The following CRYBG2 variants were observed in gnomAD, a reference collection of about 807,000 sequenced individuals.
The protein encoded by CRYBG2 is beta/gamma crystallin domain-containing protein 2.
In CRYBG2, 106 loss-of-function variants were observed where a neutral mutation model predicts 153.4. The observed-to-expected ratio is 0.69, with a 90% CI of 0.59 to 0.81. CRYBG2 has a LOEUF of 0.81. Ranked by LOEUF, CRYBG2 falls within the 30% of genes least tolerant of loss-of-function variation. The pLI, the probability that CRYBG2 is intolerant of heterozygous loss-of-function variation, is 0.00. For synonymous variants in CRYBG2, 851 were observed against 877.8 expected, an observed-to-expected ratio of 0.97 and a Z score of 0.54; for missense variants, 1,996 against 2,112.0, an observed-to-expected ratio of 0.95 and a Z score of 1.08.
In CRYBG2 at chr1:26,340,788, AT is replaced by A. The variant is rs369718023; in HGVS notation, c.3205-1360del. ...CCACCATGCCCGGCTAATTTTTTGT[AT>A]TTTTTTTAGTAGAGACAGGGTTTCA... On this transcript the variant is annotated intron_variant, in intron 5 of 19. Transcript: ENST00000308182. Among the ~76,000 whole-genome samples the A allele has an allele frequency of 5.0e-3, 748 of 150,792 alleles. 7 individuals carry two copies. Among genetic ancestry groups the A allele is most frequent in the African/African-American group, 0.016 (666 of 41,128 alleles).
chr1:26,328,234 A>T lies in CRYBG2; in HGVS notation c.4553T>A (p.Val1518Glu), dbSNP rs1295122747. Residue 1518 changes from valine (V) to glutamate (E), a missense_variant, in exon 17 of 20, where the codon GTG becomes GAG. Transcript: ENST00000308182. Reference protein sequence around the residue: ...NWLTYSGTQRVGSLYPIKQRR... With the variant: ...NWLTYSGTQREGSLYPIKQRR... Reference sequence around the variant, plus strand: ...CTGCTTGATGGGGTAGAGGGAGCCCACCCTCTGGGTGCCGCTGTAGGTCAG... The same window carrying T: ...CTGCTTGATGGGGTAGAGGGAGCCCTCCCTCTGGGTGCCGCTGTAGGTCAG... 3 of 1,564,454 alleles carry T rather than the reference A, an allele frequency of 1.9e-6. No individual in the cohort carries two copies. The highest frequency in any genetic ancestry group is 2.6e-6 in the Non-Finnish European group (3 of 1,154,588).
In CRYBG2 at chr1:26,345,386, A is replaced by C. The variant is rs2074200312; in HGVS notation, c.1272T>G (p.Thr424=). 1 of 1,612,990 alleles carries C rather than the reference A, an allele frequency of 6.2e-7. No individual in the cohort carries two copies. The highest frequency in any genetic ancestry group is 1.7e-5 in the Admixed American group (1 of 59,978). The change falls in exon 2 of 20, where the codon ACT becomes ACG. Residue 424 remains threonine, a synonymous_variant. Coordinates refer to ENST00000308182, the MANE Select transcript of CRYBG2 (RefSeq NM_001039775.4). The stretch of plus-strand genomic sequence containing the variant: ...GGCTGGGGACATCCTTCCTTCTTGT[A>C]GTGGATGGAGCAGGAGGTTGTCCAG... The part of the protein sequence containing the change: ...TVPGQPPAPS[T]TRRKDVPSPG...
Position 26,337,360 on chromosome 1 carries a change from C to A in CRYBG2, c.3664G>T (p.Glu1222Ter). Residue 1222 changes from glutamate to a stop codon, truncating the protein, a stop_gained, in exon 10 of 20, where the codon GAG (glutamate) becomes TAG (stop). Transcript: ENST00000308182. LOFTEE classifies it high-confidence loss of function. ...AGATACTGGTGGCCCCGGAAGCCCTCCTTCTCGTAGCCCACCCAGCTGGGA... is the reference window on the plus strand; with the variant it reads ...AGATACTGGTGGCCCCGGAAGCCCTACTTCTCGTAGCCCACCCAGCTGGGA... The part of the protein sequence containing the change: ...LGGCWVGYEK[E>*]GFRGHQYLLE... 3 of 1,613,824 alleles carry A rather than the reference C, an allele frequency of 1.9e-6. No homozygotes were observed. In the East Asian group the frequency reaches 6.7e-5, roughly 36 times the overall value.
At position 26,346,104 on chromosome 1, in the gene CRYBG2, C is replaced by A; in HGVS notation, c.554G>T (p.Gly185Val). ...GCTCATCCGCCGGTCCACATGACCT[C>A]CCACCACTGTGGTGGTCCGCACAGT... Reference protein sequence around the residue: ...TRTVRTTTVVGGHVDRRMSSS... With the variant: ...TRTVRTTTVVVGHVDRRMSSS... The change falls in exon 2 of 20, where the codon GGA (glycine) becomes GTA (valine). Residue 185 changes from glycine (G) to valine (V), a missense_variant. By Grantham distance (109) the Gly-to-Val change is moderately radical (BLOSUM62 -3). Transcript: ENST00000308182. This position sits in a 1 kb window ranked among gnomAD's most constrained non-coding sequence, Gnocchi z 4.9. 6.4e-7 allele frequency: 1 copy of A among 1,572,616 alleles called. No individual in the cohort carries two copies.
Position 26,346,425 on chromosome 1 carries a change from C to G in CRYBG2, c.233G>C (p.Cys78Ser). ...FATQEEETVN[C>S]QGPRDTAGSK... ...GCCAGCTGTATCCCGAGGGCCCTGGCAATTCACAGTCTCTTCTTCCTGTGT... is the reference window on the plus strand; with the variant it reads ...GCCAGCTGTATCCCGAGGGCCCTGGGAATTCACAGTCTCTTCTTCCTGTGT... The change falls in exon 2 of 20, where the codon TGC (cysteine) becomes TCC (serine). Residue 78 changes from cysteine to serine, a missense_variant. Cys to Ser is a moderately radical substitution (Grantham distance 112). Coordinates refer to ENST00000308182, the MANE Select transcript of CRYBG2 (RefSeq NM_001039775.4). This position sits in a 1 kb window ranked among gnomAD's most constrained non-coding sequence, Gnocchi z 4.9. 1 of 1,601,478 alleles carries G rather than the reference C, an allele frequency of 6.2e-7. No individual in the cohort carries two copies. The highest frequency in any genetic ancestry group is 1.7e-4 in the Middle Eastern group (1 of 6,058).
chr1:26,333,097 TG>T (rs1185285754), intron 14 of CRYBG2, among the ~76,000 whole-genome samples: 1 of 132,484 alleles, frequency 7.5e-6, no homozygotes, highest in Non-Finnish European at 1.6e-5. Flanking sequence ...GGGACAGAGA[TG>T]AAAGCTGTTG....
In CRYBG2 at chr1:26,346,445, C is replaced by G; in HGVS notation, c.213G>C (p.Gln71His). The G allele has an allele frequency of 6.2e-7, 1 of 1,604,148 alleles. No homozygotes were observed. The highest frequency in any genetic ancestry group is 8.5e-7 in the Non-Finnish European group (1 of 1,179,732). ...EEVEVNGFAT[Q>H]EEETVNCQGP... is the part of the protein sequence containing the mutation. ...CCTGGCAATTCACAGTCTCTTCTTCCTGTGTTGCAAAGCCATTGACTTCCA... is the reference window on the plus strand; with the variant it reads ...CCTGGCAATTCACAGTCTCTTCTTCGTGTGTTGCAAAGCCATTGACTTCCA... Residue 71 changes from glutamine (Q) to histidine (H), a missense_variant, in exon 2 of 20, where the codon CAG becomes CAC. Transcript: ENST00000308182. The surrounding 1 kb of genome is among the most constrained non-coding windows in gnomAD (Gnocchi z 4.9).
chr1:26,323,964 G>C (rs1207118619), intron 18 of CRYBG2, among the ~76,000 whole-genome samples, 188 bp downstream of exon 18: 1 of 152,190 alleles, frequency 6.6e-6, no homozygotes, highest in Non-Finnish European at 1.5e-5. Context: ...CATTGCTCTT[G>C]TTTTTACAGA....
intron 17 of CRYBG2, 116 bp downstream of exon 17, chr1:26,328,093 G>T: frequency 7.1e-7 from 1 of 1,402,484 alleles, no homozygotes; most frequent in Non-Finnish European, 9.4e-7. Flanking sequence ...GGCAAAAGTT[G>T]TGACAAAAGT....
In CRYBG2 at chr1:26,343,683, C is replaced by A; in HGVS notation, c.2913+62G>T. On this transcript the variant is annotated intron_variant, in intron 2 of 19. Transcript: ENST00000308182. The surrounding 1 kb of genome is among the most constrained non-coding windows in gnomAD (Gnocchi z 4.1). ...ACTCCCAGCACCACTCTCTTCACAC[C>A]ACTCAAGCCTTGACCCAGGTGAGGC... 21 of 1,431,348 alleles carry A rather than the reference C, an allele frequency of 1.5e-5. No individual in the cohort carries two copies. Among genetic ancestry groups the A allele is most frequent in the Non-Finnish European group, 1.9e-5 (21 of 1,090,006 alleles). The allele number at this position is 1,431,348 out of a possible 1,614,324, so 88.7% of individuals were successfully genotyped here.
intron 1 of CRYBG2, among the ~76,000 whole-genome samples, 177 bp downstream of exon 1, chr1:26,353,859 G>A (rs1170512482): frequency 6.6e-6 from 1 of 152,198 alleles, no homozygotes; most frequent in African/African-American, 2.4e-5. Context: ...GTTCCAGGAG[G>A]TAGCCTGTGG....
intron 14 of CRYBG2, among the ~76,000 whole-genome samples, chr1:26,333,050 T>C: frequency 3.2e-5 from 1 of 31,544 alleles, no homozygotes; most frequent in Non-Finnish European, 1.0e-4. Flanking sequence ...AAAAAAAGAT[T>C]TCTAACAGCG....
intron 14 of CRYBG2, among the ~76,000 whole-genome samples, chr1:26,333,121 TTA>T (rs1173098082): frequency 6.7e-6 from 1 of 148,898 alleles, no homozygotes; most frequent in Non-Finnish European, 1.5e-5. Context: ...TTTGGAACTG[TTA>T]TAGGCTGAAT....
At chr1:26,341,930 T>C (rs2074136028) in intron 5 of CRYBG2, among the ~76,000 whole-genome samples, 1 of 152,176 alleles carries the variant, frequency 6.6e-6, no homozygotes, top group African/African-American at 2.4e-5. Flanking sequence ...GGGATGTTTA[T>C]AAATCCCTAG....
intron 17 of CRYBG2, 99 bp from the exon 18 acceptor site, chr1:26,324,409 G>A (rs1002186158): frequency 1.5e-6 from 2 of 1,323,422 alleles, no homozygotes; most frequent in Non-Finnish European, 2.0e-6. Context: ...AGGCTCCCAA[G>A]CCCTCCCTCC....
rs201995564 is a variant in CRYBG2 at position 26,324,215 on chromosome 1, G to A, written c.4674C>T (p.Val1558=). Residue 1558 remains valine (V), a synonymous_variant, in exon 18 of 20, where the codon GTC becomes GTT. Coordinates refer to ENST00000308182, the MANE Select transcript of CRYBG2 (RefSeq NM_001039775.4). The stretch of plus-strand genomic sequence containing the variant: ...AGCTACCTCCAGCTTGGGGGTCGGC[G>A]ACCACCACACGGCCTGCTTTCATGT... The part of the protein sequence containing the change: ...VEDMKAGRVV[V]ADPQAGGSCI... The A allele has an allele frequency of 6.8e-5, 109 of 1,612,856 alleles. No homozygotes were observed. Among genetic ancestry groups the A allele is most frequent in the Non-Finnish European group, 2.8e-5 (33 of 1,179,938 alleles).
At position 26,321,963 on chromosome 1, in the gene CRYBG2, A is replaced by C; in HGVS notation, c.*5T>G. The C allele has an allele frequency of 2.6e-6, 4 of 1,560,788 alleles. No individual in the cohort carries two copies. The highest frequency in any genetic ancestry group is 3.5e-6 in the Non-Finnish European group (4 of 1,146,616). ...CTCCAGGGCTGGAGGGTGAGGGGAA[A>C]AGTTTCAAAGCACGTGGATAGTCCA... On this transcript the variant is annotated 3_prime_UTR_variant, in exon 20 of 20. Transcript: ENST00000308182.
Position 26,328,161 on chromosome 1 carries a change from C to T in CRYBG2, c.4578+48G>A, listed in dbSNP as rs748683562. The stretch of plus-strand genomic sequence containing the variant: ...AGACACTCATCCAGAAAGGCCTGCC[C>T]AGACACGCTCAGCCCCAGACACGCT... On this transcript the variant is annotated intron_variant, in intron 17 of 19. Coordinates refer to ENST00000308182, the MANE Select transcript of CRYBG2 (RefSeq NM_001039775.4). The T allele has an allele frequency of 3.2e-6, 5 of 1,543,908 alleles. No homozygotes were observed. The South Asian group carries it at 6.0e-5, about 18-fold the overall frequency.
chr1:26,324,039 G>T, intron 18 of CRYBG2, 113 bp downstream of exon 18: 2 of 1,160,746 alleles, frequency 1.7e-6, no homozygotes, highest in Non-Finnish European at 2.5e-6. Flanking sequence ...TCTCCCCAGG[G>T]TCCTGGCTTC....
Sources: gnomAD v4.1 joint callset for allele counts (sites outside exome capture counted in the v4.1 genomes callset) on GRCh38, gnomAD v4.1.1 for gene constraint, Gnocchi (gnomAD v3.1) non-coding constraint, MANE v1.5 for transcripts, NCBI Gene and HGNC (gene_info 2026-07-23, HGNC 2026-07-21) for gene names.